RUVBL1: variants seen among roughly 807,000 people sequenced by gnomAD.
The protein encoded by RUVBL1 is RuvB like AAA ATPase 1.
A neutral mutation model predicts 52.4 loss-of-function variants in RUVBL1; 4 were observed. That is an observed-to-expected ratio of 0.08 (90% CI 0.04 to 0.17). The LOEUF (loss-of-function observed/expected upper bound fraction) is 0.17, where lower values mean the gene tolerates loss of function less well. Among genes scored for constraint, RUVBL1 ranks in the 10% least tolerant of loss-of-function variants. The probability of loss-of-function intolerance (pLI) is 1.00; values close to 1 mark genes in which losing one functional copy is unlikely to be tolerated. For synonymous variants in RUVBL1, 217 were observed against 214.4 expected (o/e 1.01, Z -0.10); for missense variants, 298 against 572.8 (o/e 0.52, Z 4.90).
rs371048685 is a variant in RUVBL1 at position 128,100,585 on chromosome 3, G to A, written c.753+10C>T. 104 of 1,586,656 alleles carry A rather than the reference G, an allele frequency of 6.6e-5. No homozygotes were observed. In the African/African-American group the frequency reaches 9.5e-4, roughly 15 times the overall value. ...TAATGTGCCAGATCACCCAGGCATC[G>A]AGGCAGTACCTGGGGCCGCGCATTA... On this transcript the variant is annotated intron_variant, in intron 6 of 10. Coordinates refer to ENST00000322623, the MANE Select transcript of RUVBL1 (RefSeq NM_003707.3).
In RUVBL1 at chr3:128,067,264, T is replaced by C. The variant is rs2107651276; in HGVS notation, c.940-2044A>G. 1 of 1,328,852 alleles carries C rather than the reference T, an allele frequency of 7.5e-7. No individual in the cohort carries two copies. The highest frequency in any genetic ancestry group is 1.3e-5 in the South Asian group (1 of 74,966). The allele number at this position is 1,328,852 out of a possible 1,614,324, so 82.3% of individuals were successfully genotyped here. On this transcript the variant is annotated intron_variant, in intron 9 of 9. Coordinates refer to the RUVBL1 transcript ENST00000464873. The surrounding 1 kb of genome is among the most constrained non-coding windows in gnomAD (Gnocchi z 4.1). ...CCAAAGATATTTTCCATTGTGCCTT[T>C]TACAAATTCAGCACATTAAATTATC...
chr3:128,066,988 G>A lies in RUVBL1; in HGVS notation c.940-1768C>T, dbSNP rs908537039. 20 of 1,614,050 alleles carry A rather than the reference G, an allele frequency of 1.2e-5. No individual in the cohort carries two copies. Among genetic ancestry groups the A allele is most frequent in the East Asian group, 2.2e-5 (1 of 44,898 alleles). ...GTGGACCTGCCAATCAAGTCGGCCC[G>A]CTACCGTGGCCAGTACAACACCTAT... On this transcript the variant is annotated intron_variant, in intron 9 of 9. Transcript: ENST00000464873.
At chr3:128,076,315 A>G (rs1362851356), downstream of RUVBL1, among the ~76,000 whole-genome samples, 1 of 152,112 alleles carries the variant, frequency 6.6e-6, no homozygotes. This position sits in a 1 kb window ranked among gnomAD's most constrained non-coding sequence, Gnocchi z 6.8. Flanking sequence ...CCCCAACAGC[A>G]TGACCCGACC....
intron 3 of RUVBL1, among the ~76,000 whole-genome samples, chr3:128,108,797 TAAA>T (rs893334219): frequency 6.7e-6 from 1 of 149,818 alleles, no homozygotes; most frequent in East Asian, 1.9e-4. Flanking sequence ...GGCACATGTT[TAAA>T]AAAAAAATAC....
chr3:128,117,608 GTTTT>G (rs1287378456), intron 2 of RUVBL1, among the ~76,000 whole-genome samples: 2 of 151,078 alleles, frequency 1.3e-5, no homozygotes, highest in African/African-American at 4.9e-5. Context: ...AACGCTGACA[GTTTT>G]TTTGTTTTTT....
In RUVBL1 at chr3:128,082,503, A is replaced by C; in HGVS notation, c.1191T>G (p.Ile397Met). ...CTCACCTCAGTGTGGTCTTGGTGCC[A>C]ATCTCCCCCAGGTGGTTCAGTGCCT... ...SEEALNHLGE[I>M]GTKTTLRYSV... The change falls in exon 10 of 11, where the codon ATT becomes ATG. Residue 397 changes from isoleucine (I) to methionine (M), a missense_variant. Ile to Met is a conservative substitution (Grantham distance 10, BLOSUM62 1). Around this residue, in one of 5 missense-constraint regions of RUVBL1, gnomAD observed 161 missense variants for 298.3 expected, o/e 0.54. Transcript: ENST00000322623. The surrounding 1 kb of genome is among the most constrained non-coding windows in gnomAD (Gnocchi z 4.7). 6.2e-7 allele frequency: 1 copy of C among 1,613,750 alleles called. No individual in the cohort carries two copies. Among genetic ancestry groups the C allele is most frequent in the Non-Finnish European group, 8.5e-7 (1 of 1,179,846 alleles).
At chr3:128,090,050 T>C (rs1035164673) in intron 8 of RUVBL1, among the ~76,000 whole-genome samples, 1 of 151,054 alleles carries the variant, frequency 6.6e-6, no homozygotes, top group Admixed American at 6.6e-5. Context: ...GTTTTGGAAA[T>C]AGTGGTGATG....
Position 128,090,759 on chromosome 3 carries a change from A to T in RUVBL1, c.1017-2951T>A, listed in dbSNP as rs1341420281. 2.0e-5 allele frequency among the ~76,000 whole-genome samples: 3 copies of T among 152,260 alleles called. No homozygotes were observed. The South Asian group carries it at 6.2e-4, about 32-fold the overall frequency. ...ACTACATTTAATTTTTAGTTTTTTA[A>T]TTCTATTTAGGCCATAAGTGTTTTT... On this transcript the variant is annotated intron_variant, in intron 8 of 10. Transcript: ENST00000322623.
At chr3:128,130,980 A>T (rs541220128) in intron 1 of RUVBL1, among the ~76,000 whole-genome samples, 1 of 151,810 alleles carries the variant, frequency 6.6e-6, no homozygotes, top group East Asian at 1.9e-4. Context: ...TTTGCCAGGC[A>T]TGATTGTGCC....
chr3:128,067,397 T>C lies in RUVBL1; in HGVS notation c.940-2177A>G. 1 of 1,598,978 alleles carries C rather than the reference T, an allele frequency of 6.3e-7. No homozygotes were observed. On this transcript the variant is annotated intron_variant, in intron 9 of 9. Transcript: ENST00000464873. The surrounding 1 kb of genome is among the most constrained non-coding windows in gnomAD (Gnocchi z 4.1). The stretch of plus-strand genomic sequence containing the variant: ...AAAGTAAAATGAAGGAGCACTCACA[T>C]GCGTTTGGTTTCTTCTTCCCCAGGA...
chr3:128,097,598 G>T, intron 7 of RUVBL1, 100 bp from the exon 8 acceptor site: 1 of 1,063,884 alleles, frequency 9.4e-7, no homozygotes, highest in South Asian at 1.4e-5. Flanking sequence ...CATGCTAGGA[G>T]CCTAGTTTTC....
chr3:128,136,483 G>A (rs780381141), intron 1 of RUVBL1, among the ~76,000 whole-genome samples: 1 of 151,892 alleles, frequency 6.6e-6, no homozygotes, highest in South Asian at 2.1e-4. Flanking sequence ...AAAATTTGCC[G>A]GGCATGGTGG....
At chr3:128,102,796 T>C (rs1943134911) in intron 4 of RUVBL1, among the ~76,000 whole-genome samples, 1 of 152,230 alleles carries the variant, frequency 6.6e-6, no homozygotes, top group Non-Finnish European at 1.5e-5. Context: ...ATTCCTGGAA[T>C]TGTATACTTA....
chr3:128,116,627 A>G (rs531528505), intron 2 of RUVBL1, among the ~76,000 whole-genome samples: 109 of 152,280 alleles, frequency 7.2e-4, no homozygotes, highest in Middle Eastern at 6.8e-3. Context: ...AAAGCCAAAA[A>G]CTGAAACAAC....
At chr3:128,078,464 G>C (rs1377002740), downstream of RUVBL1, among the ~76,000 whole-genome samples, 1 of 152,152 alleles carries the variant, frequency 6.6e-6, no homozygotes, top group Non-Finnish European at 1.5e-5. Flanking sequence ...GGGGCCATTA[G>C]CACAGGAGAC....
upstream of RUVBL1, among the ~76,000 whole-genome samples, chr3:128,127,124 C>T (rs1334925741): frequency 6.6e-6 from 1 of 152,154 alleles, no homozygotes; most frequent in Non-Finnish European, 1.5e-5. Flanking sequence ...GGAGACTCTA[C>T]CTGAGAATGA....
At chr3:128,115,180 G>T (rs1347512492) in intron 2 of RUVBL1, among the ~76,000 whole-genome samples, 1 of 151,984 alleles carries the variant, frequency 6.6e-6, no homozygotes, top group Non-Finnish European at 1.5e-5. Context: ...TATAGATTAA[G>T]AAACAAACTC....
At chr3:128,098,634 C>T (rs1183283872) in intron 7 of RUVBL1, among the ~76,000 whole-genome samples, 3 of 152,196 alleles carry the variant, frequency 2.0e-5, no homozygotes, top group Non-Finnish European at 4.4e-5. Context: ...GACACAAATC[C>T]CTATTTCTGG....
intron 1 of RUVBL1, among the ~76,000 whole-genome samples, chr3:128,119,938 G>C (rs540440977): frequency 6.6e-6 from 1 of 152,336 alleles, no homozygotes; most frequent in East Asian, 1.9e-4. Context: ...GGAACTTACA[G>C]TGTGTGGTAA....
Sources: gnomAD v4.1 joint callset for allele counts (sites outside exome capture counted in the v4.1 genomes callset) on GRCh38, gnomAD v4.1.1 for gene constraint, gnomAD v4.1.1 regional missense constraint, Gnocchi (gnomAD v3.1) non-coding constraint, MANE v1.5 for transcripts, NCBI Gene and HGNC (gene_info 2026-07-23, HGNC 2026-07-21) for gene names.